Variants in CUL2 observed in about 807,000 individuals in gnomAD.
The protein encoded by CUL2 is cullin 2.
A neutral mutation model predicts 110.2 loss-of-function variants in CUL2; 22 were observed. The observed-to-expected ratio is 0.20, with a 90% CI of 0.14 to 0.28. The LOEUF (loss-of-function observed/expected upper bound fraction) is 0.28, where lower values mean the gene tolerates loss of function less well. CUL2 is among the 10% of genes least tolerant of loss of function. The probability of loss-of-function intolerance (pLI) is 1.00; values close to 1 mark genes in which losing one functional copy is unlikely to be tolerated. For missense variants in CUL2, 631 were observed against 905.5 expected (o/e 0.70, Z 3.89); for synonymous variants, 279 against 293.2 (o/e 0.95, Z 0.49).
At chr10:35,086,941 AT>A (rs1237106117) in intron 1 of CUL2, among the ~76,000 whole-genome samples, 1 of 152,294 alleles carries the variant, frequency 6.6e-6, no homozygotes, top group African/African-American at 2.4e-5. Flanking sequence ...GTCCACAAAT[AT>A]TTTTTTCCAA....
At chr10:35,105,826 G>GAAAAAAAAAAAAAAAAAAAAAAA (rs112118504) in intron 1 of CUL2, among the ~76,000 whole-genome samples, 2 of 139,328 alleles carry the variant, frequency 1.4e-5, no homozygotes, top group African/African-American at 2.7e-5. Context: ...GCAATGTCCT[G>GAAAAAAAAAAAAAAAAAAAAAAA]AAAAAAAAAA....
At chr10:35,045,171 G>A (rs930131523) in intron 6 of CUL2, among the ~76,000 whole-genome samples, 2 of 152,064 alleles carry the variant, frequency 1.3e-5, no homozygotes, top group African/African-American at 4.8e-5. Flanking sequence ...AAGTAGATAC[G>A]AGCCCATCAA....
At chr10:35,032,287 A>C in intron 12 of CUL2, 148 bp downstream of exon 12, 2 of 658,038 alleles carry the variant, frequency 3.0e-6, no homozygotes, top group Non-Finnish European at 5.1e-6. Flanking sequence ...CATTCCTTAC[A>C]TAAATGCCAA....
rs2086423700 is a variant in CUL2, at chr10:35,063,034, G to A, written c.148C>T (p.Pro50Ser). 6.2e-7 allele frequency: 1 copy of A among 1,606,064 alleles called. No individual in the cohort carries two copies. Among genetic ancestry groups the A allele is most frequent in the African/African-American group, 1.3e-5 (1 of 74,670 alleles). The change falls in exon 3 of 21, where the codon CCT (proline) becomes TCT (serine). Residue 50 changes from proline to serine, a missense_variant. Coordinates refer to ENST00000374749, the MANE Select transcript of CUL2 (RefSeq NM_003591.4). ...SDIYALCVAYPEPLGERLYTE... is the reference protein window; with the variant it reads ...SDIYALCVAYSEPLGERLYTE... ...TAAAGTCTTTCTCCAAGGGGTTCAG[G>A]ATAGGCCACACATAAAGCATAGATA...
At chr10:35,054,156 G>A (rs914773688) in intron 5 of CUL2, among the ~76,000 whole-genome samples, 24 of 152,226 alleles carry the variant, frequency 1.6e-4, no homozygotes, top group African/African-American at 4.8e-4. Context: ...CTACAGGGCC[G>A]TCAACACTTT....
At chr10:35,021,231 T>A (rs2085172736) in intron 17 of CUL2, among the ~76,000 whole-genome samples, 1 of 151,640 alleles carries the variant, frequency 6.6e-6, no homozygotes, top group African/African-American at 2.4e-5. Flanking sequence ...TCCATGTTAA[T>A]CTGCAGCATG....
chr10:35,108,314 G>A (rs2087487857), intron 1 of CUL2, among the ~76,000 whole-genome samples: 1 of 151,768 alleles, frequency 6.6e-6, no homozygotes, highest in Admixed American at 6.6e-5. Context: ...AAAATTAGTG[G>A]GGTGTTGTGG....
chr10:35,033,330 C>T, intron 10 of CUL2, 57 bp from the exon 11 acceptor site: 2 of 1,190,636 alleles, frequency 1.7e-6, no homozygotes, highest in East Asian at 4.8e-5. Flanking sequence ...GATATCCAAA[C>T]TATGAGGTTT....
Position 35,013,409 on chromosome 10 carries a change from T to A in CUL2, c.1989+290A>T, listed in dbSNP as rs527588325. Among the ~76,000 whole-genome samples the A allele has an allele frequency of 3.9e-5, 6 of 152,156 alleles. No individual in the cohort carries two copies. The South Asian group carries it at 1.2e-3, about 32-fold the overall frequency. On this transcript the variant is annotated intron_variant, in intron 19 of 20. Transcript: ENST00000374749. The stretch of plus-strand genomic sequence containing the variant: ...TTTTACAAATGAAAAATATGAAATT[T>A]TATTACTTCTCAATGTGGGAATTTT...
chr10:35,114,235 TTTTC>T (rs1452082763), intron 1 of CUL2, among the ~76,000 whole-genome samples: 4 of 151,550 alleles, frequency 2.6e-5, no homozygotes, highest in Non-Finnish European at 5.9e-5. Context: ...TATTTTTTCT[TTTTC>T]TTTTAGTAGA....
At chr10:35,048,420 A>G (rs2086006788) in intron 6 of CUL2, among the ~76,000 whole-genome samples, 1 of 152,206 alleles carries the variant, frequency 6.6e-6, no homozygotes. Context: ...CAAACTAACA[A>G]TCACACTAAA....
chr10:35,061,037 A>G, intron 3 of CUL2, 69 bp from the exon 4 acceptor site: 4 of 1,451,774 alleles, frequency 2.8e-6, no homozygotes, highest in South Asian at 2.5e-5. Flanking sequence ...AATAAAATGT[A>G]TCAAAATTAA....
intron 1 of CUL2, chr10:35,074,108 G>T: frequency 7.9e-7 from 1 of 1,264,508 alleles, no homozygotes; most frequent in Non-Finnish European, 1.1e-6. Flanking sequence ...CAAGCTCTGA[G>T]GATACAGTGG....
intron 1 of CUL2, among the ~76,000 whole-genome samples, chr10:35,078,097 G>A (rs868848715): frequency 2.6e-5 from 4 of 151,972 alleles, no homozygotes; most frequent in South Asian, 2.1e-4. Flanking sequence ...ACTGAAAGCC[G>A]TTACTAACCT....
Position 35,029,576 on chromosome 10 carries a change from G to C in CUL2, c.1451C>G (p.Ala484Gly). The C allele has an allele frequency of 6.3e-7, 1 of 1,597,430 alleles. No individual in the cohort carries two copies. The highest frequency in any genetic ancestry group is 8.5e-7 in the Non-Finnish European group (1 of 1,174,096). ...HRMYTDMSVSADLNNKFNNFI... is the reference protein window; with the variant it reads ...HRMYTDMSVSGDLNNKFNNFI... ...ATTGTTGAACTTATTGTTGAGATCAGCGCTGACACTCATATCTGTATACAT... is the reference window on the plus strand; with the variant it reads ...ATTGTTGAACTTATTGTTGAGATCACCGCTGACACTCATATCTGTATACAT... Residue 484 changes from alanine (A) to glycine (G), a missense_variant, in exon 15 of 21, where the codon GCT becomes GGT. Transcript: ENST00000374749.
chr10:35,087,682 C>T (rs1390691061), intron 1 of CUL2, among the ~76,000 whole-genome samples: 1 of 152,186 alleles, frequency 6.6e-6, no homozygotes, highest in East Asian at 1.9e-4. Flanking sequence ...CAACTGCATG[C>T]TCATCCAAAA....
At chr10:35,108,175 G>A (rs907636845) in intron 1 of CUL2, among the ~76,000 whole-genome samples, 1 of 152,036 alleles carries the variant, frequency 6.6e-6, no homozygotes, top group Non-Finnish European at 1.5e-5. Context: ...ACAGTAGTTT[G>A]GGCCAGGCAC....
intron 3 of CUL2, among the ~76,000 whole-genome samples, chr10:35,062,345 AAAT>A: frequency 6.6e-6 from 1 of 152,168 alleles, no homozygotes; most frequent in Non-Finnish European, 1.5e-5. Context: ...AAAAAGCTGA[AAAT>A]AATAAAGACA....
chr10:35,101,419 T>G (rs1359164827), intron 1 of CUL2, among the ~76,000 whole-genome samples: 1 of 152,192 alleles, frequency 6.6e-6, no homozygotes, highest in Non-Finnish European at 1.5e-5. Context: ...AGGAATCTGT[T>G]TTAATATCAC....
Sources: gnomAD v4.1 joint callset for allele counts (sites outside exome capture counted in the v4.1 genomes callset) on GRCh38, gnomAD v4.1.1 for gene constraint, MANE v1.5 for transcripts, NCBI Gene and HGNC (gene_info 2026-07-23, HGNC 2026-07-21) for gene names.